The following ERBB4 variants were observed in gnomAD, a reference collection of about 807,000 sequenced individuals.
ERBB4 encodes erb-b2 receptor tyrosine kinase 4, also known as receptor tyrosine-protein kinase erbB-4.
In ERBB4, 42 loss-of-function variants were observed where a neutral mutation model predicts 158.0. The observed-to-expected ratio is 0.27, with a 90% CI of 0.21 to 0.34. ERBB4 has a LOEUF of 0.34. ERBB4 is among the 10% of genes least tolerant of loss of function. The pLI is 1.00. For synonymous variants in ERBB4, 583 were observed against 558.7 expected (o/e 1.04, Z -0.61); for missense variants, 1,333 against 1,624.1 (o/e 0.82, Z 3.08).
chr2:211,540,610 C>G (rs1189535856), intron 20 of ERBB4, among the ~76,000 whole-genome samples: 2 of 151,762 alleles, frequency 1.3e-5, no homozygotes, highest in Admixed American at 6.6e-5. Flanking sequence ...GTCATCCAGG[C>G]TGGAGTGCAG....
intron 20 of ERBB4, among the ~76,000 whole-genome samples, chr2:211,537,717 A>C (rs1469348979): frequency 2.0e-5 from 3 of 151,972 alleles, no homozygotes; most frequent in African/African-American, 7.2e-5. Flanking sequence ...GTAAGTTTTA[A>C]AACTTATGCC....
At position 211,772,948 on chromosome 2, in the gene ERBB4, TATA is replaced by T. The variant is rs1442081039; in HGVS notation, c.556+15074_556+15076del. On this transcript the variant is annotated intron_variant, in intron 4 of 27. Transcript: ENST00000342788. ...ACATATATATATATATATATATATA[TATA>T]TATATTTTTTTTTTTAAAGATGGGG... 1.4e-3 allele frequency among the ~76,000 whole-genome samples: 118 copies of T among 83,438 alleles called. 8 individuals are homozygous for T. Among genetic ancestry groups the T allele is most frequent in the Middle Eastern group, 5.4e-3 (1 of 184 alleles). The allele number at this position is 83,438 out of a possible 152,430, so 54.7% of individuals were successfully genotyped here. A position where few individuals can be genotyped will look rare whatever the true frequency, so the allele number is the denominator to read the frequency against.
intron 12 of ERBB4, among the ~76,000 whole-genome samples, chr2:211,692,372 A>C (rs1280130746): frequency 6.6e-6 from 1 of 152,204 alleles, no homozygotes; most frequent in East Asian, 1.9e-4. Context: ...GGTTGGACTT[A>C]TATCACTAAA....
At chr2:211,855,552 CCAA>C (rs1389746811) in intron 3 of ERBB4, among the ~76,000 whole-genome samples, 8 of 152,114 alleles carry the variant, frequency 5.3e-5, no homozygotes, top group African/African-American at 1.7e-4. Flanking sequence ...TCTCATTATT[CCAA>C]CAACATTTAT....
chr2:211,865,989 TA>T (rs1469091784), intron 3 of ERBB4, among the ~76,000 whole-genome samples: 1 of 152,088 alleles, frequency 6.6e-6, no homozygotes, highest in African/African-American at 2.4e-5. Flanking sequence ...CTGTGACCGA[TA>T]AAAACTATCA....
chr2:211,487,901 G>C (rs901810937), intron 20 of ERBB4, among the ~76,000 whole-genome samples: 11 of 152,036 alleles, frequency 7.2e-5, no homozygotes, highest in Non-Finnish European at 1.6e-4. Flanking sequence ...GGCCTGAACT[G>C]TCAGCATTAT....
At chr2:212,344,495 TGTATATGTGTGTGC>T (rs1312240680) in intron 1 of ERBB4, among the ~76,000 whole-genome samples, 1 of 152,024 alleles carries the variant, frequency 6.6e-6, no homozygotes. Flanking sequence ...TGTGTGTGTG[TGTATATGTGTGTGC>T]ATATATATGT....
chr2:212,276,974 A>C (rs1315106939), intron 1 of ERBB4, among the ~76,000 whole-genome samples: 1 of 151,790 alleles, frequency 6.6e-6, no homozygotes, highest in Non-Finnish European at 1.5e-5. Flanking sequence ...TAGCATAATT[A>C]AGACAAGCCT....
At chr2:211,980,976 G>A (rs891868845) in intron 2 of ERBB4, among the ~76,000 whole-genome samples, 1 of 151,898 alleles carries the variant, frequency 6.6e-6, no homozygotes, top group Non-Finnish European at 1.5e-5. Flanking sequence ...GTGTCATCTC[G>A]ATACCGCTCC....
At chr2:211,840,071 G>C (rs947012984) in intron 3 of ERBB4, among the ~76,000 whole-genome samples, 2 of 151,624 alleles carry the variant, frequency 1.3e-5, no homozygotes, top group Non-Finnish European at 3.0e-5. Flanking sequence ...GATACGGTTT[G>C]GGTGTGTACC....
At chr2:211,922,294 A>C (rs1249176565) in intron 3 of ERBB4, among the ~76,000 whole-genome samples, 4 of 152,182 alleles carry the variant, frequency 2.6e-5, no homozygotes, top group Admixed American at 1.3e-4. Flanking sequence ...TAGCTTAAAC[A>C]GTCTATTTTG....
rs62184494 is a variant in ERBB4 at position 211,848,058 on chromosome 2, C to A, written c.422-59899G>T. 4.9e-3 allele frequency among the ~76,000 whole-genome samples: 751 copies of A among 152,230 alleles called. 6 individuals carry two copies. The highest frequency in any genetic ancestry group is 0.01 in the Middle Eastern group (3 of 294). The stretch of plus-strand genomic sequence containing the variant: ...CTTAAGACCCCATGTTCCTAATTCT[C>A]CAGACTAATTCTGCCTTCCAAATTC... On this transcript the variant is annotated intron_variant, in intron 3 of 27. Coordinates refer to ENST00000342788, the MANE Select transcript of ERBB4 (RefSeq NM_005235.3).
At chr2:211,999,692 C>A (rs1185649042) in intron 2 of ERBB4, among the ~76,000 whole-genome samples, 1 of 151,766 alleles carries the variant, frequency 6.6e-6, no homozygotes, top group African/African-American at 2.4e-5. Context: ...ATTGTAGCTA[C>A]AAATGGGACA....
intron 5 of ERBB4, among the ~76,000 whole-genome samples, chr2:211,745,215 TG>T (rs1214811294): frequency 2.0e-5 from 3 of 152,190 alleles, no homozygotes; most frequent in Non-Finnish European, 4.4e-5. Flanking sequence ...GTGTTACAAC[TG>T]TATGGGGTCT....
intron 19 of ERBB4, among the ~76,000 whole-genome samples, chr2:211,599,764 T>C (rs2125810950): frequency 6.6e-6 from 1 of 152,270 alleles, no homozygotes; most frequent in African/African-American, 2.4e-5. Context: ...CCTATAAAAC[T>C]TCTCTTGTAT....
chr2:212,458,361 G>A (rs1346300444), intron 1 of ERBB4, among the ~76,000 whole-genome samples: 3 of 152,030 alleles, frequency 2.0e-5, no homozygotes, highest in African/African-American at 7.2e-5. Context: ...AATCTGTAAG[G>A]GACATATGGT....
At chr2:212,303,702 A>G (rs1308342236) in intron 1 of ERBB4, among the ~76,000 whole-genome samples, 1 of 151,586 alleles carries the variant, frequency 6.6e-6, no homozygotes, top group African/African-American at 2.4e-5. Flanking sequence ...ATTATTGATC[A>G]AGAACTCAGA....
At chr2:212,049,486 C>T (rs1316851976) in intron 2 of ERBB4, among the ~76,000 whole-genome samples, 1 of 151,986 alleles carries the variant, frequency 6.6e-6, no homozygotes, top group Non-Finnish European at 1.5e-5. Context: ...ACTAGAGGAC[C>T]AGGCTTTTTG....
At chr2:211,516,297 T>C (rs1253898000) in intron 20 of ERBB4, among the ~76,000 whole-genome samples, 1 of 151,844 alleles carries the variant, frequency 6.6e-6, no homozygotes, top group African/African-American at 2.4e-5. Context: ...GAATCTCTTT[T>C]GTGGGTTTGT....
Sources: allele counts gnomAD v4.1 joint callset (sites outside exome capture counted in the v4.1 genomes callset), GRCh38; gene constraint gnomAD v4.1.1; transcripts MANE v1.5; gene names NCBI Gene and HGNC (gene_info 2026-07-23, HGNC 2026-07-21).